RMI1: variants seen among roughly 807,000 people sequenced by gnomAD.
RMI1 encodes the protein RecQ mediated genome instability 1.
RMI1 carries 36 observed loss-of-function variants against 46.7 expected under a neutral mutation model. The observed-to-expected ratio is 0.77, with a 90% CI of 0.59 to 1.02. The LOEUF is 1.02. Among genes scored for constraint, RMI1 ranks in the 50% least tolerant of loss-of-function variants. The pLI is 0.00. For synonymous variants in RMI1, 250 were observed against 252.9 expected (o/e 0.99, Z 0.11); for missense variants, 676 against 713.7 (o/e 0.95, Z 0.60).
At chr9:83,993,406 C>T (rs78248037) in intron 1 of RMI1, among the ~76,000 whole-genome samples, 1,978 of 152,142 alleles carry the variant, frequency 0.013, 44 homozygotes, top group African/African-American at 0.042. Flanking sequence ...GTGGACATTT[C>T]GATTGTTTCT....
chr9:83,996,300 G>A (rs1396178485), intron 1 of RMI1, among the ~76,000 whole-genome samples: 2 of 152,168 alleles, frequency 1.3e-5, no homozygotes, highest in East Asian at 1.9e-4. Flanking sequence ...CTCTGTTCCC[G>A]CCACATGTAG....
At chr9:83,986,512 TTGGGTA>T (rs1957492329) in intron 1 of RMI1, among the ~76,000 whole-genome samples, 1 of 152,226 alleles carries the variant, frequency 6.6e-6, no homozygotes, top group East Asian at 1.9e-4. Flanking sequence ...GGGTCTGCTG[TTGGGTA>T]TGATATGTAT....
intron 1 of RMI1, among the ~76,000 whole-genome samples, chr9:83,984,531 C>G (rs1027303769): frequency 6.6e-6 from 1 of 151,274 alleles, no homozygotes; most frequent in Non-Finnish European, 1.5e-5. Context: ...CTTGGCCTAC[C>G]AAAGTGCTGG....
In RMI1 at chr9:84,001,320, A is replaced by G; in HGVS notation, c.334A>G (p.Thr112Ala). ...ACAGAAGTTGAGAGGAAAGAATACA[A>G]CAAATGATCTAGTTACAGCTGAAGC... ...QIQKLRGKNTTNDLVTAEAQV... is the reference protein window; with the variant it reads ...QIQKLRGKNTANDLVTAEAQV... The change falls in exon 3 of 3, where the codon ACA becomes GCA. Residue 112 changes from threonine to alanine, a missense_variant. By Grantham distance (58) the Thr-to-Ala change is moderately conservative (BLOSUM62 0). Coordinates refer to ENST00000445877, the MANE Select transcript of RMI1 (RefSeq NM_001358291.2). 6.2e-7 allele frequency: 1 copy of G among 1,614,176 alleles called. No homozygotes were observed. The highest frequency in any genetic ancestry group is 8.5e-7 in the Non-Finnish European group (1 of 1,179,990).
At chr9:83,992,858 T>G (rs1957594392) in intron 1 of RMI1, 1 of 152,202 alleles carries the variant, frequency 6.6e-6, no homozygotes, top group Admixed American at 6.5e-5. Context: ...GGTACTTTTA[T>G]TATTCCTTTT....
rs1331087752 is a variant in RMI1, at chr9:84,001,723, A to T, written c.737A>T (p.Glu246Val). 18 of 1,614,002 alleles carry T rather than the reference A, an allele frequency of 1.1e-5. No homozygotes were observed. Among genetic ancestry groups the T allele is most frequent in the Non-Finnish European group, 1.5e-5 (18 of 1,179,986 alleles). ...CCTGCATTAGGTCCTTCTGATGAAGAACTCTTGGCAAGTCTTGATGAAAAT... is the reference window on the plus strand; with the variant it reads ...CCTGCATTAGGTCCTTCTGATGAAGTACTCTTGGCAAGTCTTGATGAAAAT... ...LDPALGPSDE[E>V]LLASLDENDE... The change falls in exon 3 of 3, where the codon GAA (glutamate) becomes GTA (valine). Residue 246 changes from glutamate to valine, a missense_variant. Transcript: ENST00000445877.
intron 1 of RMI1, among the ~76,000 whole-genome samples, chr9:83,993,986 G>A (rs1392011399): frequency 7.0e-6 from 1 of 142,580 alleles, no homozygotes; most frequent in African/African-American, 2.6e-5. Flanking sequence ...GTTTCGCCAT[G>A]TTGTTCAGGC....
intron 2 of RMI1, among the ~76,000 whole-genome samples, chr9:84,000,143 T>C (rs192848691): frequency 6.6e-5 from 10 of 152,320 alleles, no homozygotes; most frequent in African/African-American, 2.4e-4. Context: ...TGCACATACA[T>C]AAAGAACATT....
chr9:84,002,898 C>T lies in RMI1; in HGVS notation c.*34C>T, dbSNP rs1463503998. On this transcript the variant is annotated 3_prime_UTR_variant, in exon 3 of 3. Coordinates refer to ENST00000445877, the MANE Select transcript of RMI1 (RefSeq NM_001358291.2). Reference sequence around the variant, plus strand: ...AAATAGTATTAGGAACAATTAAAAACAACAAGGAAATATTTAGAATTTGTT... The same window carrying T: ...AAATAGTATTAGGAACAATTAAAAATAACAAGGAAATATTTAGAATTTGTT... The T allele has an allele frequency of 8.1e-7, 1 of 1,234,172 alleles. No homozygotes were observed. Among genetic ancestry groups the T allele is most frequent in the East Asian group, 2.4e-5 (1 of 41,354 alleles). 76.5% of individuals were successfully genotyped at this position (1,234,172 alleles called of 1,614,324 possible).
intron 1 of RMI1, among the ~76,000 whole-genome samples, chr9:83,991,584 C>T (rs1358362222): frequency 6.6e-6 from 1 of 152,156 alleles, no homozygotes; most frequent in Non-Finnish European, 1.5e-5. Flanking sequence ...TCCCAAAGTG[C>T]TAGGATTATA....
intron 1 of RMI1, among the ~76,000 whole-genome samples, chr9:83,981,422 A>G (rs1163319065): frequency 2.0e-5 from 3 of 152,252 alleles, no homozygotes; most frequent in African/African-American, 7.2e-5. Context: ...TGATGAAAAC[A>G]GACAAAAACC....
At chr9:83,990,458 C>T (rs1025692820) in intron 1 of RMI1, among the ~76,000 whole-genome samples, 5 of 149,902 alleles carry the variant, frequency 3.3e-5, no homozygotes, top group African/African-American at 7.4e-5. Context: ...TGCCGTGAGT[C>T]GAGATAGCGC....
chr9:83,997,893 T>C (rs997303034), intron 1 of RMI1, among the ~76,000 whole-genome samples: 5 of 151,552 alleles, frequency 3.3e-5, no homozygotes, highest in Non-Finnish European at 7.4e-5. Flanking sequence ...ACCTCTGGGC[T>C]CAAGCAGTCC....
At chr9:83,996,099 T>C (rs1453664613) in intron 1 of RMI1, among the ~76,000 whole-genome samples, 1 of 152,226 alleles carries the variant, frequency 6.6e-6, no homozygotes, top group Non-Finnish European at 1.5e-5. Flanking sequence ...CGTTGGATTG[T>C]TTTTTCCTGT....
At chr9:83,982,759 C>G (rs987020998) in intron 1 of RMI1, among the ~76,000 whole-genome samples, 3 of 151,828 alleles carry the variant, frequency 2.0e-5, no homozygotes, top group Non-Finnish European at 4.4e-5. Flanking sequence ...TTCATCCCCT[C>G]TAGATGCCAT....
chr9:84,002,337 G>A lies in RMI1; in HGVS notation c.1351G>A (p.Val451Ile), dbSNP rs777582733. ...KILNREVVNY[V>I]QKRNSQISNE... is the part of the protein sequence containing the mutation. ...ATTAAATAGAGAGGTGGTCAACTAT[G>A]TACAGAAAAGGAATTCACAAATTTC... is the stretch of plus-strand genomic sequence containing the variant. Residue 451 changes from valine to isoleucine, a missense_variant, in exon 3 of 3, where the codon GTA (valine) becomes ATA (isoleucine). Physicochemically the swap from Val to Ile is conservative, Grantham distance 29 (BLOSUM62 3). Coordinates refer to ENST00000445877, the MANE Select transcript of RMI1 (RefSeq NM_001358291.2). The A allele has an allele frequency of 3.7e-6, 6 of 1,603,112 alleles. No individual in the cohort carries two copies. The highest frequency in any genetic ancestry group is 5.1e-6 in the Non-Finnish European group (6 of 1,171,100).
intron 1 of RMI1, among the ~76,000 whole-genome samples, chr9:83,996,899 G>A (rs1957661926): frequency 6.6e-6 from 1 of 151,764 alleles, no homozygotes; most frequent in Non-Finnish European, 1.5e-5. Flanking sequence ...TTTTAATCAG[G>A]CATTTATAAA....
chr9:84,002,451 C>T lies in RMI1; in HGVS notation c.1465C>T (p.Pro489Ser). ...TTCTATTGCCATGGATTTGTATTCT[C>T]CACCCTTTGTCTATTTGTCTGTTCT... ...NLSIAMDLYS[P>S]PFVYLSVLMA... Residue 489 changes from proline (P) to serine (S), a missense_variant, in exon 3 of 3, where the codon CCA becomes TCA. Coordinates refer to ENST00000445877, the MANE Select transcript of RMI1 (RefSeq NM_001358291.2). 2 of 1,613,870 alleles carry T rather than the reference C, an allele frequency of 1.2e-6. No individual in the cohort carries two copies. Among genetic ancestry groups the T allele is most frequent in the Non-Finnish European group, 1.7e-6 (2 of 1,179,934 alleles).
chr9:83,980,782 CG>C (rs1472416580), upstream of RMI1: 3 of 152,334 alleles, frequency 2.0e-5, no homozygotes, highest in African/African-American at 7.2e-5. Flanking sequence ...CGCGGCAAAT[CG>C]GGCGGGAAGA....
Sources: gnomAD v4.1 joint callset for allele counts (sites outside exome capture counted in the v4.1 genomes callset) on GRCh38, gnomAD v4.1.1 for gene constraint, MANE v1.5 for transcripts, NCBI Gene and HGNC (gene_info 2026-07-23, HGNC 2026-07-21) for gene names.